Variants in ARHGAP15 observed in about 807,000 individuals in gnomAD.
ARHGAP15 encodes the protein Rho GTPase activating protein 15.
A neutral mutation model predicts 63.7 loss-of-function variants in ARHGAP15; 51 were observed. That is an observed-to-expected ratio of 0.80 (90% CI 0.64 to 1.01). The LOEUF (loss-of-function observed/expected upper bound fraction) is 1.01, where lower values mean the gene tolerates loss of function less well. Among genes scored for constraint, ARHGAP15 ranks in the 50% least tolerant of loss-of-function variants. ARHGAP15 has a pLI of 0.00. For missense variants in ARHGAP15, 560 were observed against 564.6 expected (o/e 0.99, Z 0.08); for synonymous variants, 191 against 193.8 (o/e 0.99, Z 0.12).
chr2:143,705,145 G>C (rs943837561), intron 13 of ARHGAP15, among the ~76,000 whole-genome samples: 1 of 152,156 alleles, frequency 6.6e-6, no homozygotes, highest in South Asian at 2.1e-4. Context: ...AGTATTTCAT[G>C]GTATACACAG....
intron 6 of ARHGAP15, among the ~76,000 whole-genome samples, chr2:143,265,408 GAA>G (rs1680941094): frequency 6.6e-6 from 1 of 152,022 alleles, no homozygotes. Context: ...CTGGGGGAAA[GAA>G]AAGAAATTTG....
At chr2:143,591,937 ACT>A (rs55760972) in intron 11 of ARHGAP15, among the ~76,000 whole-genome samples, 123,043 of 151,784 alleles carry the variant, frequency 0.81, 49,964 homozygotes, top group South Asian at 0.83. Context: ...GATTTTTATA[ACT>A]CTATTTTGAG....
intron 11 of ARHGAP15, among the ~76,000 whole-genome samples, chr2:143,584,209 CT>C (rs1697019116): frequency 6.6e-6 from 1 of 152,128 alleles, no homozygotes. Flanking sequence ...GACCAATCTT[CT>C]TTGATATCAA....
chr2:143,653,553 A>G (rs1023855632), intron 12 of ARHGAP15, among the ~76,000 whole-genome samples: 5 of 152,052 alleles, frequency 3.3e-5, no homozygotes, highest in African/African-American at 9.7e-5. Context: ...TCATTCTTTT[A>G]TTGTCTATGG....
chr2:143,164,582 A>C (rs181109548), intron 2 of ARHGAP15, among the ~76,000 whole-genome samples: 1 of 152,058 alleles, frequency 6.6e-6, no homozygotes, highest in Admixed American at 6.6e-5. Flanking sequence ...GATGTGCTGA[A>C]GTTAAAGATA....
chr2:143,633,156 C>CTTGGTATT (rs1212052443), intron 12 of ARHGAP15, among the ~76,000 whole-genome samples: 1 of 152,088 alleles, frequency 6.6e-6, no homozygotes, highest in Non-Finnish European at 1.5e-5. Flanking sequence ...TTCTCACAGA[C>CTTGGTATT]TTGGTATTTT....
At chr2:143,767,232 CTTTAT>C (rs2072952795) in intron 13 of ARHGAP15, among the ~76,000 whole-genome samples, 1 of 152,080 alleles carries the variant, frequency 6.6e-6, no homozygotes, top group African/African-American at 2.4e-5. Flanking sequence ...TAGGATGGGG[CTTTAT>C]TTTCTTTTTA....
intron 2 of ARHGAP15, among the ~76,000 whole-genome samples, chr2:143,160,210 AC>A (rs1690235177): frequency 2.0e-5 from 3 of 151,968 alleles, no homozygotes; most frequent in Admixed American, 6.6e-5. Flanking sequence ...TAAATTCTAG[AC>A]ACACACAAAT....
intron 9 of ARHGAP15, among the ~76,000 whole-genome samples, chr2:143,501,747 G>A (rs1693072490): frequency 6.6e-6 from 1 of 152,212 alleles, no homozygotes; most frequent in South Asian, 2.1e-4. Context: ...AGATCTGCAT[G>A]TGAGGTTAAG....
At chr2:143,134,150 T>TCTAC (rs1379282148) in intron 1 of ARHGAP15, among the ~76,000 whole-genome samples, 330 of 26,996 alleles carry the variant, frequency 0.012, 1 homozygote, top group African/African-American at 0.023. Flanking sequence ...TATCTATCTA[T>TCTAC]CTACCTATCT....
intron 5 of ARHGAP15, among the ~76,000 whole-genome samples, chr2:143,245,966 A>T (rs934702218): frequency 6.6e-6 from 1 of 152,184 alleles, no homozygotes; most frequent in South Asian, 2.1e-4. Flanking sequence ...GGGCTGGAAG[A>T]CAAAGTGGGA....
At chr2:143,591,106 CAT>C (rs1697303607) in intron 11 of ARHGAP15, among the ~76,000 whole-genome samples, 1 of 152,132 alleles carries the variant, frequency 6.6e-6, no homozygotes, top group East Asian at 1.9e-4. Context: ...TTTGGGATAT[CAT>C]GTGCATATAG....
intron 5 of ARHGAP15, among the ~76,000 whole-genome samples, chr2:143,231,772 C>T (rs1693452410): frequency 1.3e-5 from 2 of 152,182 alleles, no homozygotes; most frequent in South Asian, 2.1e-4. Context: ...AGTCCACGAT[C>T]GAGGCACAGG....
chr2:143,259,627 G>A (rs191350998), intron 6 of ARHGAP15, among the ~76,000 whole-genome samples: 17 of 152,190 alleles, frequency 1.1e-4, no homozygotes, highest in Non-Finnish European at 2.2e-4. Flanking sequence ...GGGTGCTCTC[G>A]GGAGGTATTT....
intron 10 of ARHGAP15, among the ~76,000 whole-genome samples, chr2:143,532,484 T>G (rs1234604346): frequency 1.3e-5 from 2 of 152,224 alleles, no homozygotes; most frequent in Non-Finnish European, 2.9e-5. Context: ...ACAAGTTTTT[T>G]TATGGATGAG....
intron 10 of ARHGAP15, among the ~76,000 whole-genome samples, chr2:143,528,717 A>G (rs1440002765): frequency 3.3e-5 from 5 of 152,090 alleles, no homozygotes; most frequent in Non-Finnish European, 1.5e-5. Flanking sequence ...GCATTTTCTG[A>G]CAGTTTGGGA....
At chr2:143,595,476 C>G (rs1282437353) in intron 11 of ARHGAP15, among the ~76,000 whole-genome samples, 1 of 152,074 alleles carries the variant, frequency 6.6e-6, no homozygotes, top group Non-Finnish European at 1.5e-5. Context: ...GAATCCTGTA[C>G]CATCTTCGCT....
At chr2:143,534,636 T>C (rs1330843464) in intron 10 of ARHGAP15, among the ~76,000 whole-genome samples, 1 of 152,052 alleles carries the variant, frequency 6.6e-6, no homozygotes, top group African/African-American at 2.4e-5. Context: ...CCCAGCACTT[T>C]GGGAGGCTGA....
At chr2:143,589,880 A>G (rs920914250) in intron 11 of ARHGAP15, among the ~76,000 whole-genome samples, 4 of 152,292 alleles carry the variant, frequency 2.6e-5, no homozygotes. Context: ...GGTGAAATGT[A>G]TTTTTTCAGG....
Sources: gnomAD v4.1 joint callset for allele counts (sites outside exome capture counted in the v4.1 genomes callset) on GRCh38, gnomAD v4.1.1 for gene constraint, MANE v1.5 for transcripts, NCBI Gene and HGNC (gene_info 2026-07-23, HGNC 2026-07-21) for gene names.